WWOX: variants seen among roughly 807,000 people sequenced by gnomAD.
The protein encoded by WWOX is WW domain-containing oxidoreductase.
Under a neutral mutation model 46.2 loss-of-function variants are expected in WWOX, and 69 were observed. The observed-to-expected ratio is 1.49, with a 90% CI of 1.23 to 1.82. The LOEUF is 1.82. WWOX is among the 40% of genes most tolerant of loss of function. WWOX has a pLI of 0.00. For synonymous variants in WWOX, 359 were observed against 202.6 expected, an observed-to-expected ratio of 1.77 and a Z score of -6.56; for missense variants, 919 against 542.6, an observed-to-expected ratio of 1.69 and a Z score of -6.89.
intron 5 of WWOX, among the ~76,000 whole-genome samples, chr16:78,229,438 T>G (rs1772300326): frequency 1.3e-5 from 2 of 148,920 alleles, no homozygotes; most frequent in African/African-American, 2.5e-5. Flanking sequence ...ATCTGGTCCT[T>G]TAGACATTTA....
chr16:79,161,133 G>C (rs1332031611), intron 8 of WWOX, among the ~76,000 whole-genome samples: 1 of 152,196 alleles, frequency 6.6e-6, no homozygotes, highest in African/African-American at 2.4e-5. Context: ...CCATGGATTA[G>C]ATAAGGCAAT....
At chr16:78,892,888 T>C (rs185494238) in intron 8 of WWOX, among the ~76,000 whole-genome samples, 3 of 152,332 alleles carry the variant, frequency 2.0e-5, no homozygotes, top group African/African-American at 7.2e-5. Flanking sequence ...TGGTATCTCC[T>C]ACGCCAAGTC....
At chr16:78,918,947 A>C (rs1279337769) in intron 8 of WWOX, among the ~76,000 whole-genome samples, 1 of 152,134 alleles carries the variant, frequency 6.6e-6, no homozygotes, top group Non-Finnish European at 1.5e-5. Flanking sequence ...TGGTAAGAAG[A>C]GTACCTTTCT....
chr16:79,079,811 G>A (rs565922900), intron 8 of WWOX, among the ~76,000 whole-genome samples: 1 of 152,190 alleles, frequency 6.6e-6, no homozygotes, highest in African/African-American at 2.4e-5. Flanking sequence ...GAATAAAGGA[G>A]AGAGGGTTGG....
chr16:78,801,861 G>A (rs1488926374), intron 8 of WWOX, among the ~76,000 whole-genome samples: 2 of 152,160 alleles, frequency 1.3e-5, no homozygotes, highest in Non-Finnish European at 2.9e-5. Flanking sequence ...TTTATAGATT[G>A]TTGAGTCCGA....
intron 8 of WWOX, among the ~76,000 whole-genome samples, chr16:78,843,172 C>G (rs2052206901): frequency 6.7e-6 from 1 of 150,060 alleles, no homozygotes; most frequent in Admixed American, 6.7e-5. Flanking sequence ...CTGTCAGCCA[C>G]TGTCCTAGGA....
chr16:78,668,030 G>C (rs563632798), intron 8 of WWOX, among the ~76,000 whole-genome samples: 1 of 151,994 alleles, frequency 6.6e-6, no homozygotes, highest in African/African-American at 2.4e-5. Flanking sequence ...TGTAATCTTA[G>C]CATTTTGAGA....
At chr16:78,979,707 G>C (rs1162010951) in intron 8 of WWOX, among the ~76,000 whole-genome samples, 2 of 152,102 alleles carry the variant, frequency 1.3e-5, no homozygotes, top group Admixed American at 6.5e-5. Flanking sequence ...CCATGCTTGA[G>C]GCATGAGATG....
In WWOX at chr16:78,545,323, A is replaced by T. The variant is rs532468805; in HGVS notation, c.1056+112571A>T. ...TGAGGAAATGGTTACCTGCAGGGCG[A>T]TTGTGGCCTGCTCCTCGTGGGATAT... is the stretch of plus-strand genomic sequence containing the variant. On this transcript the variant is annotated intron_variant, in intron 8 of 8. Coordinates refer to ENST00000566780, the MANE Select transcript of WWOX (RefSeq NM_016373.4). 1.3e-5 allele frequency among the ~76,000 whole-genome samples: 2 copies of T among 152,182 alleles called. 1 individual carries two copies. The highest frequency in any genetic ancestry group is 2.9e-5 in the Non-Finnish European group (2 of 67,998).
At chr16:78,877,851 A>G (rs1185792926) in intron 8 of WWOX, among the ~76,000 whole-genome samples, 1 of 152,192 alleles carries the variant, frequency 6.6e-6, no homozygotes. Flanking sequence ...GTAGTTTTAT[A>G]TACATTTTAT....
At position 78,830,336 on chromosome 16, in the gene WWOX, T is replaced by G. The variant is rs540637888; in HGVS notation, c.1057-381272T>G. Reference sequence around the variant, plus strand: ...TATATATATACACATAAAACATATATGTACATATTATCATAATGCCTACCT... The same window carrying G: ...TATATATATACACATAAAACATATAGGTACATATTATCATAATGCCTACCT... On this transcript the variant is annotated intron_variant, in intron 8 of 8. Coordinates refer to ENST00000566780, the MANE Select transcript of WWOX (RefSeq NM_016373.4). 2.1e-4 allele frequency among the ~76,000 whole-genome samples: 32 copies of G among 152,274 alleles called. 1 individual carries two copies. The South Asian group carries it at 4.8e-3, about 23-fold the overall frequency.
At chr16:78,442,711 G>A (rs568226797) in intron 8 of WWOX, among the ~76,000 whole-genome samples, 1 of 152,244 alleles carries the variant, frequency 6.6e-6, no homozygotes, top group East Asian at 1.9e-4. Context: ...CAGGCACAGT[G>A]GCTCATACCT....
At chr16:78,442,168 G>A (rs2083459199) in intron 8 of WWOX, among the ~76,000 whole-genome samples, 3 of 151,954 alleles carry the variant, frequency 2.0e-5, no homozygotes, top group Admixed American at 2.0e-4. Flanking sequence ...TGTATTCGTG[G>A]TGTGAAATGT....
intron 8 of WWOX, among the ~76,000 whole-genome samples, chr16:78,961,831 T>G (rs1475268883): frequency 6.6e-6 from 1 of 152,218 alleles, no homozygotes; most frequent in Non-Finnish European, 1.5e-5. Flanking sequence ...CATCTCTATT[T>G]CTGCTACATC....
chr16:78,232,934 T>A (rs2042355), intron 5 of WWOX, among the ~76,000 whole-genome samples: 1 of 151,878 alleles, frequency 6.6e-6, no homozygotes, highest in Non-Finnish European at 1.5e-5. Flanking sequence ...CTCTGCCTCC[T>A]GGGTTCAAGC....
At chr16:78,602,052 T>A (rs985311152) in intron 8 of WWOX, among the ~76,000 whole-genome samples, 5 of 152,216 alleles carry the variant, frequency 3.3e-5, no homozygotes, top group African/African-American at 1.2e-4. Flanking sequence ...AATGCAGACT[T>A]CCTTAGGTTC....
At chr16:78,101,696 C>T (rs1367840686) in intron 1 of WWOX, among the ~76,000 whole-genome samples, 1 of 152,136 alleles carries the variant, frequency 6.6e-6, no homozygotes, top group Non-Finnish European at 1.5e-5. Flanking sequence ...CCAGGTGATT[C>T]TAATCTATGC....
At chr16:79,127,000 T>C (rs912634947) in intron 8 of WWOX, among the ~76,000 whole-genome samples, 1 of 152,292 alleles carries the variant, frequency 6.6e-6, no homozygotes, top group South Asian at 2.1e-4. Context: ...CACTGCTTTT[T>C]TTTTAAACTT....
intron 8 of WWOX, among the ~76,000 whole-genome samples, chr16:78,583,422 TC>T (rs1404252083): frequency 6.6e-6 from 1 of 152,188 alleles, no homozygotes; most frequent in Non-Finnish European, 1.5e-5. Flanking sequence ...TGTGGTATCT[TC>T]AAAGGAATTT....
Sources: allele counts gnomAD v4.1 joint callset (sites outside exome capture counted in the v4.1 genomes callset), GRCh38; gene constraint gnomAD v4.1.1; transcripts MANE v1.5; gene names NCBI Gene and HGNC (gene_info 2026-07-23, HGNC 2026-07-21).